MCC: variants seen among roughly 807,000 people sequenced by gnomAD.
MCC encodes colorectal mutant cancer protein.
Under a neutral mutation model 116.2 loss-of-function variants are expected in MCC, and 90 were observed. The observed-to-expected ratio is 0.77, with a 90% CI of 0.65 to 0.92. The LOEUF (loss-of-function observed/expected upper bound fraction) is 0.92, where lower values mean the gene tolerates loss of function less well. Ranked by LOEUF, MCC falls within the 40% of genes least tolerant of loss-of-function variation. The pLI is 0.00. For synonymous variants in MCC, 578 were observed against 510.5 expected (o/e 1.13, Z -1.78); for missense variants, 1,516 against 1,312.2 (o/e 1.16, Z -2.40).
In MCC at chr5:113,247,788, T is replaced by C. The variant is rs147063465; in HGVS notation, c.627+92731A>G. ...AAGGCTCTCAATCTTCAAGTAGAGATGTATGGGAGAATGGTGTCACCATAA... is the reference window on the plus strand; with the variant it reads ...AAGGCTCTCAATCTTCAAGTAGAGACGTATGGGAGAATGGTGTCACCATAA... On this transcript the variant is annotated intron_variant, in intron 3 of 18. Transcript: ENST00000408903. Among the ~76,000 whole-genome samples the C allele has an allele frequency of 4.2e-3, 634 of 152,178 alleles. 3 individuals carry two copies. The highest frequency in any genetic ancestry group is 0.014 in the African/African-American group (589 of 41,512).
intron 3 of MCC, among the ~76,000 whole-genome samples, chr5:113,239,580 C>A (rs1764284236): frequency 6.6e-6 from 1 of 152,074 alleles, no homozygotes; most frequent in Admixed American, 6.6e-5. Context: ...GATGTGGGCT[C>A]AGCCATAACT....
chr5:113,393,158 G>A (rs956880816), intron 1 of MCC, among the ~76,000 whole-genome samples: 10 of 152,100 alleles, frequency 6.6e-5, no homozygotes, highest in African/African-American at 4.8e-5. Flanking sequence ...ACAGGATTAG[G>A]GAAAGGCACA....
intron 8 of MCC, among the ~76,000 whole-genome samples, chr5:113,095,294 C>G (rs1263195088): frequency 6.6e-6 from 1 of 152,124 alleles, no homozygotes; most frequent in African/African-American, 2.4e-5. Context: ...CCTAATAAGG[C>G]CACCAGATCC....
intron 2 of MCC, among the ~76,000 whole-genome samples, chr5:113,366,332 T>TA (rs1768687071): frequency 1.3e-5 from 2 of 152,246 alleles, no homozygotes; most frequent in East Asian, 1.9e-4. Flanking sequence ...GGTTTTTTTT[T>TA]ATGTTAATTC....
At chr5:113,069,531 G>A (rs939859267) in intron 12 of MCC, among the ~76,000 whole-genome samples, 3 of 152,244 alleles carry the variant, frequency 2.0e-5, no homozygotes, top group Admixed American at 6.5e-5. Flanking sequence ...CAGGGGATAT[G>A]TTGCTTCATT....
chr5:113,360,944 G>T (rs993630926), intron 2 of MCC, among the ~76,000 whole-genome samples: 1 of 152,172 alleles, frequency 6.6e-6, no homozygotes, highest in Non-Finnish European at 1.5e-5. Flanking sequence ...CACAGGACAT[G>T]CCCTTAGCTA....
intron 3 of MCC, among the ~76,000 whole-genome samples, chr5:113,305,515 T>C (rs777473865): frequency 1.2e-4 from 18 of 152,250 alleles, no homozygotes; most frequent in Non-Finnish European, 1.9e-4. Flanking sequence ...TCCAGTCTAA[T>C]AAGTTTGGAG....
chr5:113,118,988 T>G (rs1757567021), intron 6 of MCC, among the ~76,000 whole-genome samples: 1 of 152,304 alleles, frequency 6.6e-6, no homozygotes, highest in South Asian at 2.1e-4. Context: ...CATTCTTCCA[T>G]GCTCCTCCCC....
rs1256467569 is a variant in MCC, at chr5:113,294,980, C to G, written c.627+45539G>C. 6 of 985,090 alleles carry G rather than the reference C, an allele frequency of 6.1e-6. No homozygotes were observed. In the Admixed American group the frequency reaches 2.5e-4, roughly 40 times the overall value. 61.0% of individuals were successfully genotyped at this position (985,090 alleles called of 1,614,324 possible). ...AACACAGCTGTCTAGCTGCTGGCCACGGGGTGCGCGGAGGAGGCGGGGCTA... is the reference window on the plus strand; with the variant it reads ...AACACAGCTGTCTAGCTGCTGGCCAGGGGGTGCGCGGAGGAGGCGGGGCTA... On this transcript the variant is annotated intron_variant, in intron 3 of 18. Coordinates refer to ENST00000408903, the MANE Select transcript of MCC (RefSeq NM_001085377.2).
At chr5:113,470,872 T>A (rs1211080004) in intron 1 of MCC, among the ~76,000 whole-genome samples, 1 of 152,180 alleles carries the variant, frequency 6.6e-6, no homozygotes, top group Non-Finnish European at 1.5e-5. Flanking sequence ...GGAGACTTTG[T>A]TCGTTTCTTT....
intron 17 of MCC, among the ~76,000 whole-genome samples, chr5:113,030,101 C>T (rs968306056): frequency 2.0e-5 from 3 of 152,182 alleles, no homozygotes; most frequent in African/African-American, 2.4e-5. Context: ...TTAAAAAGGA[C>T]TCACTGTATG....
intron 13 of MCC, among the ~76,000 whole-genome samples, chr5:113,065,667 AAGAATGAAC>A (rs1180796771): frequency 1.3e-5 from 2 of 152,224 alleles, no homozygotes; most frequent in African/African-American, 4.8e-5. Context: ...CTGTGAATGA[AAGAATGAAC>A]AGAATGAATG....
At position 113,028,951 on chromosome 5, in the gene MCC, A is replaced by T. The variant is rs756895312; in HGVS notation, c.2862T>A (p.Asp954Glu). 6.2e-7 allele frequency: 1 copy of T among 1,613,854 alleles called. No individual in the cohort carries two copies. The highest frequency in any genetic ancestry group is 2.2e-5 in the East Asian group (1 of 44,856). Residue 954 changes from aspartate (D) to glutamate (E), a missense_variant, in exon 18 of 19, where the codon GAT becomes GAA. Transcript: ENST00000408903. The part of the protein sequence containing the change: ...RHQQSAEFVN[D>E]LKRANSNLVA... ...ATTTTTACCTGTTGGCCCGCTTTAGATCATTCACGAACTCTGCAGATTGCT... is the reference window on the plus strand; with the variant it reads ...ATTTTTACCTGTTGGCCCGCTTTAGTTCATTCACGAACTCTGCAGATTGCT...
chr5:113,154,717 GA>G (rs1266265978), intron 3 of MCC, among the ~76,000 whole-genome samples: 1 of 152,092 alleles, frequency 6.6e-6, no homozygotes. Context: ...TGGCAAGCAT[GA>G]AAAAATTAGT....
chr5:113,454,707 C>T (rs6594718), intron 1 of MCC, among the ~76,000 whole-genome samples: 48,843 of 152,020 alleles, frequency 0.32, 9,786 homozygotes, highest in African/African-American at 0.55. Context: ...AGAAGTCCAT[C>T]AACTATAAAA....
chr5:113,479,607 T>C (rs1580428526), intron 1 of MCC, among the ~76,000 whole-genome samples: 2 of 152,318 alleles, frequency 1.3e-5, no homozygotes, highest in South Asian at 4.1e-4. Context: ...GCTCTACTTT[T>C]TATCTTGAGC....
intron 2 of MCC, among the ~76,000 whole-genome samples, chr5:113,365,126 G>A (rs1341570783): frequency 6.6e-6 from 1 of 152,228 alleles, no homozygotes; most frequent in Non-Finnish European, 1.5e-5. Context: ...TGGCCAGGCT[G>A]CAAATTTTCC....
intron 1 of MCC, among the ~76,000 whole-genome samples, chr5:113,458,922 G>C (rs1771658992): frequency 6.6e-6 from 1 of 152,184 alleles, no homozygotes; most frequent in Non-Finnish European, 1.5e-5. Flanking sequence ...GAAGATGAAA[G>C]GGCTTTCACC....
chr5:113,415,422 G>A (rs530934467), intron 1 of MCC, among the ~76,000 whole-genome samples: 1 of 152,216 alleles, frequency 6.6e-6, no homozygotes, highest in African/African-American at 2.4e-5. Context: ...TGTAGATTTG[G>A]TCTTTTCACA....
Sources: gnomAD v4.1 joint callset for allele counts (sites outside exome capture counted in the v4.1 genomes callset) on GRCh38, gnomAD v4.1.1 for gene constraint, MANE v1.5 for transcripts, NCBI Gene and HGNC (gene_info 2026-07-23, HGNC 2026-07-21) for gene names.